INPP4B: variants seen among roughly 807,000 people sequenced by gnomAD.
The protein encoded by INPP4B is inositol polyphosphate 4-phosphatase type II.
A neutral mutation model predicts 122.5 loss-of-function variants in INPP4B; 55 were observed. The ratio of observed to expected loss-of-function variants is 0.45; its 90% confidence interval spans 0.36 to 0.56. INPP4B has a LOEUF of 0.56. INPP4B is among the 20% of genes least tolerant of loss of function. The pLI is 0.00. For synonymous variants in INPP4B, 403 were observed against 388.7 expected (o/e 1.04, Z -0.43); for missense variants, 1,000 against 1,097.7 (o/e 0.91, Z 1.26).
At chr4:142,034,999 A>G (rs960524927) in intron 25 of INPP4B, among the ~76,000 whole-genome samples, 2 of 152,070 alleles carry the variant, frequency 1.3e-5, no homozygotes, top group Admixed American at 6.6e-5. Flanking sequence ...CACTTCTTGC[A>G]TCCATCAAGT....
intron 23 of INPP4B, among the ~76,000 whole-genome samples, chr4:142,097,249 T>TATTTTA (rs1782311562): frequency 2.0e-5 from 3 of 149,854 alleles, no homozygotes; most frequent in Non-Finnish European, 4.4e-5. Flanking sequence ...TATTTTATTT[T>TATTTTA]ATTTTATTTT....
rs188992159 is a variant in INPP4B at position 142,650,295 on chromosome 4, G to A, written c.-191+75544C>T. Among the ~76,000 whole-genome samples, 1,156 of 152,270 alleles carry A rather than the reference G, an allele frequency of 7.6e-3. 15 individuals are homozygous for A. Among genetic ancestry groups the A allele is most frequent in the Non-Finnish European group, 8.1e-3 (549 of 68,020 alleles). ...TTGTAAAGATCATTGATGCTATGAAGAAACTGCATCAATTAACAGGCAAAA... is the reference window on the plus strand; with the variant it reads ...TTGTAAAGATCATTGATGCTATGAAAAAACTGCATCAATTAACAGGCAAAA... On this transcript the variant is annotated intron_variant, in intron 2 of 25. Coordinates refer to ENST00000262992, the MANE Select transcript of INPP4B (RefSeq NM_001101669.3).
chr4:142,218,782 G>A (rs1848302598), intron 12 of INPP4B, among the ~76,000 whole-genome samples: 1 of 152,118 alleles, frequency 6.6e-6, no homozygotes, highest in South Asian at 2.1e-4. Context: ...AACAAAATTA[G>A]ACCTTAAATC....
intron 2 of INPP4B, among the ~76,000 whole-genome samples, chr4:142,555,392 G>C (rs1171889323): frequency 6.6e-6 from 1 of 152,154 alleles, no homozygotes; most frequent in African/African-American, 2.4e-5. Context: ...TAGCATTGGA[G>C]AAAAGAGGCA....
At chr4:142,291,034 T>C (rs1337814684) in intron 9 of INPP4B, among the ~76,000 whole-genome samples, 4 of 152,166 alleles carry the variant, frequency 2.6e-5, no homozygotes, top group African/African-American at 9.7e-5. Flanking sequence ...GTCCCAATTA[T>C]AGATGAGGCT....
intron 7 of INPP4B, among the ~76,000 whole-genome samples, chr4:142,379,965 T>C (rs896418422): frequency 6.6e-6 from 1 of 152,192 alleles, no homozygotes; most frequent in Non-Finnish European, 1.5e-5. Flanking sequence ...AGGCAAATGG[T>C]GACAACTGCA....
chr4:142,765,443 T>G (rs1235407199), intron 1 of INPP4B, among the ~76,000 whole-genome samples: 1 of 152,046 alleles, frequency 6.6e-6, no homozygotes, highest in Non-Finnish European at 1.5e-5. Context: ...AGCACAGAAA[T>G]TCAGACTGGA....
At chr4:142,094,676 T>C (rs760939590) in intron 23 of INPP4B, among the ~76,000 whole-genome samples, 2 of 152,136 alleles carry the variant, frequency 1.3e-5, no homozygotes, top group Non-Finnish European at 2.9e-5. Flanking sequence ...CTGCCTATAA[T>C]GTGGAAGGAA....
chr4:142,281,769 A>G (rs1751312620), intron 9 of INPP4B, among the ~76,000 whole-genome samples: 1 of 152,020 alleles, frequency 6.6e-6, no homozygotes, highest in Non-Finnish European at 1.5e-5. Flanking sequence ...CTGTATTTTT[A>G]TGCTTAATTG....
chr4:142,772,476 A>G (rs1443339133), intron 1 of INPP4B, among the ~76,000 whole-genome samples: 1 of 152,178 alleles, frequency 6.6e-6, no homozygotes, highest in Non-Finnish European at 1.5e-5. Flanking sequence ...CGCATTTCAG[A>G]TGACCCTTAA....
At chr4:142,436,087 G>A (rs1377096360) in intron 3 of INPP4B, among the ~76,000 whole-genome samples, 4 of 152,196 alleles carry the variant, frequency 2.6e-5, no homozygotes, top group Non-Finnish European at 5.9e-5. Flanking sequence ...GAGGCTGGAC[G>A]ACTGGGTCCC....
chr4:142,544,259 T>A (rs1342540332), intron 2 of INPP4B, among the ~76,000 whole-genome samples: 1 of 151,982 alleles, frequency 6.6e-6, no homozygotes, highest in Non-Finnish European at 1.5e-5. Flanking sequence ...TACTATTGTG[T>A]TAGAATCAAT....
At chr4:142,486,601 A>G (rs1390835698) in intron 2 of INPP4B, among the ~76,000 whole-genome samples, 1 of 152,110 alleles carries the variant, frequency 6.6e-6, no homozygotes, top group East Asian at 1.9e-4. Flanking sequence ...AAAAATCAGA[A>G]GTTTTTTATA....
intron 10 of INPP4B, among the ~76,000 whole-genome samples, chr4:142,263,574 T>C (rs755146797): frequency 1.0e-4 from 15 of 146,788 alleles, no homozygotes; most frequent in African/African-American, 1.2e-4. Context: ...AATAGACAAA[T>C]AGTTTTGTCT....
intron 2 of INPP4B, among the ~76,000 whole-genome samples, chr4:142,491,281 G>A (rs1217071104): frequency 6.6e-6 from 1 of 152,088 alleles, no homozygotes; most frequent in African/African-American, 2.4e-5. Context: ...CATAAGATCT[G>A]AAACTATAAA....
At chr4:142,594,183 A>G (rs916803264) in intron 2 of INPP4B, among the ~76,000 whole-genome samples, 1 of 152,160 alleles carries the variant, frequency 6.6e-6, no homozygotes, top group Non-Finnish European at 1.5e-5. Context: ...AATTGACAGC[A>G]TTTGTCATAA....
chr4:142,070,464 A>G, intron 25 of INPP4B, among the ~76,000 whole-genome samples: 1 of 152,170 alleles, frequency 6.6e-6, no homozygotes, highest in East Asian at 1.9e-4. Context: ...CCTCTTCAAT[A>G]TAGTGTTGGA....
chr4:142,833,075 G>T (rs1782362728), intron 1 of INPP4B, among the ~76,000 whole-genome samples: 1 of 151,698 alleles, frequency 6.6e-6, no homozygotes, highest in African/African-American at 2.4e-5. Context: ...TTCTAGTTTG[G>T]AAGACTCAAG....
intron 7 of INPP4B, among the ~76,000 whole-genome samples, chr4:142,319,103 C>A (rs1769009192): frequency 1.3e-5 from 2 of 152,018 alleles, no homozygotes; most frequent in Non-Finnish European, 2.9e-5. Context: ...AGATCCAGAC[C>A]CAGAGAAGGA....
Sources: gnomAD v4.1 joint callset for allele counts (sites outside exome capture counted in the v4.1 genomes callset) on GRCh38, gnomAD v4.1.1 for gene constraint, MANE v1.5 for transcripts, NCBI Gene and HGNC (gene_info 2026-07-23, HGNC 2026-07-21) for gene names.